Variants in NUAK1 observed in about 807,000 individuals in gnomAD.
NUAK1 encodes the protein NUAK family SNF1-like kinase 1.
A neutral mutation model predicts 56.9 loss-of-function variants in NUAK1; 26 were observed. That is an observed-to-expected ratio of 0.46 (90% CI 0.33 to 0.63). The LOEUF (loss-of-function observed/expected upper bound fraction) is 0.63, where lower values mean the gene tolerates loss of function less well. NUAK1 is among the 30% of genes least tolerant of loss of function. NUAK1 has a pLI of 0.02. For missense variants in NUAK1, 727 were observed against 876.1 expected (o/e 0.83, Z 2.15); for synonymous variants, 337 against 336.0 (o/e 1.00, Z -0.03).
At chr12:106,135,888 T>C (rs2556510) in intron 1 of NUAK1, among the ~76,000 whole-genome samples, 49,656 of 152,158 alleles carry the variant, frequency 0.33, 10,024 homozygotes, top group Admixed American at 0.45. Context: ...AGGCACTGTA[T>C]GGGCAAGAAC....
At chr12:106,077,711 T>A (rs1345322551) in intron 4 of NUAK1, among the ~76,000 whole-genome samples, 2 of 152,138 alleles carry the variant, frequency 1.3e-5, no homozygotes, top group Non-Finnish European at 2.9e-5. Context: ...CCTCGGAACA[T>A]TTCAGAAACT....
intron 1 of NUAK1, 51 bp from the exon 2 acceptor site, chr12:106,106,576 T>C: frequency 1.3e-6 from 2 of 1,566,446 alleles, no homozygotes; most frequent in Non-Finnish European, 1.7e-6. Context: ...CAGATGCAAA[T>C]CAGCCATTGG....
In NUAK1 at chr12:106,070,882, A is replaced by G. The variant is rs571663510; in HGVS notation, c.724T>C (p.Leu242=). 2.5e-6 allele frequency: 4 copies of G among 1,614,198 alleles called. No homozygotes were observed. The Admixed American group carries it at 5.0e-5, about 20-fold the overall frequency. ...GTTCCATAAACAAGAGTGTAAAGCA[A>G]CACACCCAGGGCCCAGCTGTCCACC... The part of the protein sequence containing the change: ...PEVDSWALGV[L]LYTLVYGTMP... Residue 242 remains leucine, a synonymous_variant, in exon 6 of 7, where the codon TTG becomes CTG. Transcript: ENST00000261402.
Position 106,067,438 on chromosome 12 carries a change from C to T in NUAK1, c.1350G>A (p.Val450=), listed in dbSNP as rs772981693. 13 of 1,614,102 alleles carry T rather than the reference C, an allele frequency of 8.1e-6. No homozygotes were observed. The highest frequency in any genetic ancestry group is 1.3e-5 in the African/African-American group (1 of 74,928). The change falls in exon 7 of 7, where the codon GTG becomes GTA. Residue 450 remains valine, a synonymous_variant. Transcript: ENST00000261402. The surrounding 1 kb of genome is among the most constrained non-coding windows in gnomAD (Gnocchi z 6.0). The stretch of plus-strand genomic sequence containing the variant: ...ACTGCTTGGGGCTGAGTTTTCCCGG[C>T]ACCTCTGCCTCTGGTGAGCTTGGGA... ...VLLPSSPEAE[V]PGKLSPKQSA...
intron 1 of NUAK1, among the ~76,000 whole-genome samples, chr12:106,120,679 T>C (rs984582817): frequency 6.6e-6 from 1 of 152,068 alleles, no homozygotes; most frequent in Non-Finnish European, 1.5e-5. Context: ...AAACAGACAG[T>C]CAAAGGTCAC....
chr12:106,123,766 C>T (rs980148480), intron 1 of NUAK1, among the ~76,000 whole-genome samples: 6 of 152,168 alleles, frequency 3.9e-5, no homozygotes, highest in Non-Finnish European at 7.3e-5. Flanking sequence ...GATCACACCA[C>T]CATCTGCAAA....
At chr12:106,073,153 G>A (rs1341605087) in intron 4 of NUAK1, among the ~76,000 whole-genome samples, 1 of 152,186 alleles carries the variant, frequency 6.6e-6, no homozygotes, top group African/African-American at 2.4e-5. Context: ...ATTTAGACTT[G>A]CTTTGAGAAA....
At chr12:106,103,310 T>C (rs1214190275) in intron 2 of NUAK1, 1 of 152,238 alleles carries the variant, frequency 6.6e-6, no homozygotes, top group Non-Finnish European at 1.5e-5. Context: ...GCTCCTGCTC[T>C]GGGCCAAGAA....
At chr12:106,124,791 C>T (rs953547335) in intron 1 of NUAK1, among the ~76,000 whole-genome samples, 1 of 151,920 alleles carries the variant, frequency 6.6e-6, no homozygotes, top group African/African-American at 2.4e-5. Flanking sequence ...AGGTGGATCG[C>T]CTGAGGTTAG....
intron 4 of NUAK1, among the ~76,000 whole-genome samples, chr12:106,079,531 A>T (rs2032495265): frequency 6.6e-6 from 1 of 152,192 alleles, no homozygotes; most frequent in African/African-American, 2.4e-5. Flanking sequence ...AAGAAGGAGC[A>T]GGCAAAAAGG....
chr12:106,100,713 C>T (rs949332176), intron 2 of NUAK1, among the ~76,000 whole-genome samples: 2 of 152,286 alleles, frequency 1.3e-5, no homozygotes, highest in East Asian at 1.9e-4. Flanking sequence ...TCAATATCAC[C>T]GGTTAGTACA....
In NUAK1 at chr12:106,072,857, C is replaced by A; in HGVS notation, c.580-14G>T. The stretch of plus-strand genomic sequence containing the variant: ...AAAGTCAGCAATCTACAAAGAGAAG[C>A]AAGACCCAGGGAGACTTGTTAGCAT... On this transcript the variant is annotated splice_polypyrimidine_tract_variant and intron_variant, in intron 4 of 6. Coordinates refer to ENST00000261402, the MANE Select transcript of NUAK1 (RefSeq NM_014840.3). The A allele has an allele frequency of 6.2e-7, 1 of 1,613,612 alleles. No homozygotes were observed. The highest frequency in any genetic ancestry group is 8.5e-7 in the Non-Finnish European group (1 of 1,179,670).
At chr12:106,073,779 C>T (rs1221599599) in intron 4 of NUAK1, among the ~76,000 whole-genome samples, 1 of 151,866 alleles carries the variant, frequency 6.6e-6, no homozygotes, top group Non-Finnish European at 1.5e-5. Context: ...AATCACACCA[C>T]TGCACTCCAG....
At chr12:106,127,950 T>G (rs138436885) in intron 1 of NUAK1, among the ~76,000 whole-genome samples, 1 of 152,164 alleles carries the variant, frequency 6.6e-6, no homozygotes, top group East Asian at 1.9e-4. Context: ...AAAACTTAGA[T>G]TTATGGACCA....
intron 2 of NUAK1, among the ~76,000 whole-genome samples, chr12:106,087,640 C>T (rs2032586878): frequency 6.6e-6 from 1 of 152,188 alleles, no homozygotes; most frequent in Non-Finnish European, 1.5e-5. Context: ...TTACTGTGCA[C>T]CAAGTTTGTG....
intron 1 of NUAK1, among the ~76,000 whole-genome samples, chr12:106,118,134 C>T (rs1401611502): frequency 6.6e-6 from 1 of 152,164 alleles, no homozygotes; most frequent in East Asian, 1.9e-4. Flanking sequence ...ACCACAAATC[C>T]ATGGAGGCAA....
intron 4 of NUAK1, among the ~76,000 whole-genome samples, chr12:106,074,490 T>C (rs1203327310): frequency 6.6e-6 from 1 of 152,190 alleles, no homozygotes; most frequent in Non-Finnish European, 1.5e-5. Context: ...AGGTTACTCA[T>C]TTAAGGAGAT....
chr12:106,105,788 G>A (rs948461624), intron 2 of NUAK1: 1 of 152,182 alleles, frequency 6.6e-6, no homozygotes. Context: ...ATAAATGATA[G>A]TCTGTGGGCG....
intron 2 of NUAK1, among the ~76,000 whole-genome samples, chr12:106,091,351 T>C (rs2032633149): frequency 6.6e-6 from 1 of 152,198 alleles, no homozygotes; most frequent in Non-Finnish European, 1.5e-5. Flanking sequence ...TAGCTCAGCC[T>C]GAGTCAGCCC....
Sources: gnomAD v4.1 joint callset for allele counts (sites outside exome capture counted in the v4.1 genomes callset) on GRCh38, gnomAD v4.1.1 for gene constraint, Gnocchi (gnomAD v3.1) non-coding constraint, MANE v1.5 for transcripts, NCBI Gene and HGNC (gene_info 2026-07-23, HGNC 2026-07-21) for gene names.